The following PLXNA2 variants were observed in gnomAD, a reference collection of about 807,000 sequenced individuals.
PLXNA2 encodes plexin-A2.
In PLXNA2, 91 loss-of-function variants were observed where a neutral mutation model predicts 193.5. The ratio of observed to expected loss-of-function variants is 0.47; its 90% CI spans 0.40 to 0.56. The LOEUF is 0.56. Ranked by LOEUF, PLXNA2 falls within the 20% of genes least tolerant of loss-of-function variation. The pLI is 0.00. For missense variants in PLXNA2, 1,995 were observed against 2,503.2 expected (o/e 0.80, Z 4.33); for synonymous variants, 997 against 1,027.3 (o/e 0.97, Z 0.56).
chr1:208,165,983 C>CGATGAACT (rs1558224917), intron 3 of PLXNA2, among the ~76,000 whole-genome samples: 1 of 152,158 alleles, frequency 6.6e-6, no homozygotes, highest in East Asian at 1.9e-4. Context: ...TCTTCCATAC[C>CGATGAACT]GATGAACTGA....
intron 3 of PLXNA2, among the ~76,000 whole-genome samples, chr1:208,200,007 A>G (rs1464752398): frequency 6.6e-6 from 1 of 152,354 alleles, no homozygotes; most frequent in African/African-American, 2.4e-5. Context: ...CTTAACCCCA[A>G]TTCCCCAGCC....
intron 3 of PLXNA2, among the ~76,000 whole-genome samples, chr1:208,150,218 A>G (rs910079886): frequency 2.0e-5 from 3 of 152,218 alleles, no homozygotes; most frequent in Non-Finnish European, 2.9e-5. Flanking sequence ...ACATGCACAC[A>G]CACACTGCTT....
At chr1:208,093,672 A>C (rs1666783559) in intron 8 of PLXNA2, among the ~76,000 whole-genome samples, 1 of 152,226 alleles carries the variant, frequency 6.6e-6, no homozygotes, top group Non-Finnish European at 1.5e-5. Flanking sequence ...AATAGTATTA[A>C]GTAGTAACTT....
rs1475624057 is a variant in PLXNA2 at position 208,236,099 on chromosome 1, A to G, written c.-81+7544T>C. On this transcript the variant is annotated intron_variant, in intron 1 of 31. Transcript: ENST00000367033. This position sits in a 1 kb window ranked among gnomAD's most constrained non-coding sequence, Gnocchi z 4.4. ...AAAACACCACTGCCCTAAAACGTGG[A>G]GTGGAGACCTGGAACGAGAGCTTTG... Among the ~76,000 whole-genome samples the G allele has an allele frequency of 6.6e-6, 1 of 152,112 alleles. No individual in the cohort carries two copies. The highest frequency in any genetic ancestry group is 2.4e-5 in the African/African-American group (1 of 41,422).
intron 9 of PLXNA2, among the ~76,000 whole-genome samples, chr1:208,085,130 A>G (rs1389686934): frequency 6.6e-6 from 1 of 151,652 alleles, no homozygotes; most frequent in Non-Finnish European, 1.5e-5. Context: ...CCCTGCGTGA[A>G]TGCCATGTTG....
chr1:208,095,361 G>A (rs995744400), intron 8 of PLXNA2, among the ~76,000 whole-genome samples: 39 of 152,184 alleles, frequency 2.6e-4, no homozygotes, highest in African/African-American at 7.5e-4. Context: ...GTCTCATAGC[G>A]TGTGGGCACC....
chr1:208,072,460 T>C (rs1267606397), intron 12 of PLXNA2, among the ~76,000 whole-genome samples: 1 of 152,212 alleles, frequency 6.6e-6, no homozygotes, highest in Non-Finnish European at 1.5e-5. Flanking sequence ...TTGCCTTGGC[T>C]TCACCCTGAT....
chr1:208,200,830 TCTTGACCTCAGGCAATCTGCCTGC>T (rs1051097115), intron 3 of PLXNA2, among the ~76,000 whole-genome samples: 4 of 152,130 alleles, frequency 2.6e-5, no homozygotes, highest in African/African-American at 9.7e-5. Flanking sequence ...GGTCTTGAAC[TCTTGACCTCAGGCAATCTGCCTGC>T]CTCGGCCTCC....
At chr1:208,235,618 C>G (rs1671827238) in intron 1 of PLXNA2, among the ~76,000 whole-genome samples, 1 of 152,154 alleles carries the variant, frequency 6.6e-6, no homozygotes, top group Non-Finnish European at 1.5e-5. Context: ...GAGCACCGGT[C>G]AACAGGTGAG....
In PLXNA2 at chr1:208,044,296, A is replaced by G. The variant is rs529160294; in HGVS notation, c.3874+212T>C. Among the ~76,000 whole-genome samples the G allele has an allele frequency of 1.3e-5, 2 of 152,324 alleles. No homozygotes were observed. The highest frequency in any genetic ancestry group is 6.5e-5 in the Admixed American group (1 of 15,304). ...GCAAAGAAGGGACTAGAACAATGCA[A>G]TTGGACCTGGGTCCTCATGCAGTGG... is the stretch of plus-strand genomic sequence containing the variant. On this transcript the variant is annotated intron_variant, in intron 20 of 31. Transcript: ENST00000367033. This position sits in a 1 kb window ranked among gnomAD's most constrained non-coding sequence, Gnocchi z 4.9.
intron 1 of PLXNA2, among the ~76,000 whole-genome samples, chr1:208,238,283 G>T (rs192892446): frequency 6.6e-6 from 1 of 152,262 alleles, no homozygotes; most frequent in Admixed American, 6.5e-5. Context: ...ACTTTCCAAG[G>T]GCAACTCTAC....
intron 3 of PLXNA2, among the ~76,000 whole-genome samples, chr1:208,189,823 C>T (rs1436183468): frequency 6.6e-6 from 1 of 152,188 alleles, no homozygotes; most frequent in African/African-American, 2.4e-5. Flanking sequence ...GCCCGCCAGT[C>T]AGGAGCTACA....
intron 29 of PLXNA2, 144 bp downstream of exon 29, chr1:208,031,446 G>A: frequency 3.1e-6 from 4 of 1,269,998 alleles, no homozygotes; most frequent in South Asian, 3.0e-5. Flanking sequence ...GAGCATATGT[G>A]CACTGTTTGT....
chr1:208,034,063 T>C (rs1345200274), intron 27 of PLXNA2, among the ~76,000 whole-genome samples: 1 of 152,198 alleles, frequency 6.6e-6, no homozygotes. Context: ...ATAACCTCAT[T>C]GCCCGGAGGG....
At position 208,024,677 on chromosome 1, in the gene PLXNA2, G is replaced by A. The variant is rs1016606557; in HGVS notation, c.*2566C>T. The stretch of plus-strand genomic sequence containing the variant: ...TTCAAGGAAACGCCCCAGGGGCAGT[G>A]AATCGTCTCCAAAAGTAACTGCTGG... On this transcript the variant is annotated 3_prime_UTR_variant, in exon 32 of 32. Coordinates refer to ENST00000367033, the MANE Select transcript of PLXNA2 (RefSeq NM_025179.4). 6.6e-6 allele frequency: 1 copy of A among 152,310 alleles called. No homozygotes were observed. The highest frequency in any genetic ancestry group is 1.5e-5 in the Non-Finnish European group (1 of 68,158). The allele number at this position is 152,310 out of a possible 1,614,324, so 9.4% of individuals were successfully genotyped here.
chr1:208,202,626 A>G (rs1169308987), intron 3 of PLXNA2, among the ~76,000 whole-genome samples: 2 of 152,194 alleles, frequency 1.3e-5, no homozygotes, highest in Admixed American at 6.5e-5. Context: ...ACAGACAGGC[A>G]AGGCTTAATG....
chr1:208,232,087 T>C (rs996291072), intron 1 of PLXNA2, among the ~76,000 whole-genome samples: 2 of 152,202 alleles, frequency 1.3e-5, no homozygotes, highest in African/African-American at 4.8e-5. Flanking sequence ...ATCCACTGAA[T>C]GCCATTTGGC....
chr1:208,121,184 C>T (rs1571939817), intron 4 of PLXNA2, among the ~76,000 whole-genome samples: 2 of 152,142 alleles, frequency 1.3e-5, no homozygotes, highest in Admixed American at 6.5e-5. Context: ...AAGTAAGGTC[C>T]ACCATGAGCG....
At chr1:208,117,315 G>A (rs563114712) in intron 4 of PLXNA2, among the ~76,000 whole-genome samples, 2 of 152,344 alleles carry the variant, frequency 1.3e-5, no homozygotes, top group South Asian at 4.1e-4. Flanking sequence ...CCAGAGGGTA[G>A]GCTGGCGAGC....
Sources: gnomAD v4.1 joint callset for allele counts (sites outside exome capture counted in the v4.1 genomes callset) on GRCh38, gnomAD v4.1.1 for gene constraint, Gnocchi (gnomAD v3.1) non-coding constraint, MANE v1.5 for transcripts, NCBI Gene and HGNC (gene_info 2026-07-23, HGNC 2026-07-21) for gene names.